The following HPSE2 variants were observed in gnomAD, a reference collection of about 807,000 sequenced individuals.
HPSE2 encodes the protein inactive heparanase-2.
HPSE2 carries 38 observed loss-of-function variants against 60.5 expected under a neutral mutation model. That is an observed-to-expected ratio of 0.63 (90% CI 0.48 to 0.82). The LOEUF (loss-of-function observed/expected upper bound fraction) is 0.82, where lower values mean the gene tolerates loss of function less well. Ranked by LOEUF, HPSE2 falls within the 40% of genes least tolerant of loss-of-function variation. The pLI is 0.00. For missense variants in HPSE2, 713 were observed against 740.4 expected (o/e 0.96, Z 0.43); for synonymous variants, 295 against 293.2 (o/e 1.01, Z -0.06).
intron 3 of HPSE2, among the ~76,000 whole-genome samples, chr10:98,750,427 A>AGAG (rs1423053792): frequency 3.3e-5 from 5 of 152,158 alleles, no homozygotes; most frequent in African/African-American, 1.2e-4. Context: ...GACCCAACTC[A>AGAG]CACTGTGAAA....
intron 9 of HPSE2, among the ~76,000 whole-genome samples, chr10:98,591,280 T>C (rs1225582564): frequency 1.3e-5 from 2 of 152,214 alleles, no homozygotes; most frequent in Admixed American, 6.5e-5. Context: ...ACCACGTAAA[T>C]GGCAGAGCAC....
chr10:98,681,341 A>AT (rs1481346158), intron 6 of HPSE2, among the ~76,000 whole-genome samples: 1 of 152,154 alleles, frequency 6.6e-6, no homozygotes, highest in Non-Finnish European at 1.5e-5. Flanking sequence ...AGTGAATGTG[A>AT]TTTAAAAAAA....
chr10:99,161,241 T>C (rs1447858256), intron 2 of HPSE2, among the ~76,000 whole-genome samples: 5 of 149,504 alleles, frequency 3.3e-5, no homozygotes, highest in Non-Finnish European at 7.4e-5. Flanking sequence ...AAAGGACTTG[T>C]ACATGAATAT....
At chr10:99,202,367 C>T (rs563916714) in intron 2 of HPSE2, among the ~76,000 whole-genome samples, 16 of 152,140 alleles carry the variant, frequency 1.1e-4, no homozygotes, top group Admixed American at 6.5e-4. Context: ...TCTGATCAAC[C>T]ATATATATTC....
At chr10:99,079,888 A>G (rs987913247) in intron 3 of HPSE2, among the ~76,000 whole-genome samples, 10 of 152,088 alleles carry the variant, frequency 6.6e-5, no homozygotes, top group Non-Finnish European at 1.3e-4. Context: ...GTCTTCTCAG[A>G]AGTCCCCAAA....
At chr10:98,552,241 C>A (rs1041644842) in intron 9 of HPSE2, among the ~76,000 whole-genome samples, 3 of 152,130 alleles carry the variant, frequency 2.0e-5, no homozygotes, top group African/African-American at 7.2e-5. Flanking sequence ...GGTGCTGCCA[C>A]TTACTAGATG....
intron 3 of HPSE2, among the ~76,000 whole-genome samples, chr10:98,755,547 C>T (rs1949858315): frequency 6.6e-6 from 1 of 152,176 alleles, no homozygotes; most frequent in Non-Finnish European, 1.5e-5. Flanking sequence ...ACACTCCACC[C>T]AACAACAACG....
chr10:98,840,565 G>C (rs1951887049), intron 3 of HPSE2, among the ~76,000 whole-genome samples: 1 of 152,166 alleles, frequency 6.6e-6, no homozygotes, highest in African/African-American at 2.4e-5. Context: ...GAAAAGCAGA[G>C]ATAGACTCCG....
chr10:98,736,348 C>T (rs139149701), intron 4 of HPSE2, among the ~76,000 whole-genome samples: 1,840 of 152,074 alleles, frequency 0.012, 25 homozygotes, highest in African/African-American at 0.041. Context: ...TACCTAGTCT[C>T]GAGTATGTCT....
intron 3 of HPSE2, among the ~76,000 whole-genome samples, chr10:98,984,391 T>C (rs1457090565): frequency 2.6e-5 from 4 of 152,148 alleles, no homozygotes; most frequent in African/African-American, 9.7e-5. Flanking sequence ...GGATCTGGAG[T>C]GGACCTCCAG....
chr10:99,016,774 TTGTG>T (rs368305392), intron 3 of HPSE2, among the ~76,000 whole-genome samples: 1 of 151,168 alleles, frequency 6.6e-6, no homozygotes, highest in African/African-American at 2.4e-5. Flanking sequence ...CTTAGGTATT[TTGTG>T]TGTGTGTGTG....
At chr10:98,597,192 C>A (rs11189701) in intron 9 of HPSE2, among the ~76,000 whole-genome samples, 58,370 of 152,002 alleles carry the variant, frequency 0.38, 11,386 homozygotes, top group East Asian at 0.51. Flanking sequence ...ACGGGAACTA[C>A]AATTCAAGAT....
intron 6 of HPSE2, among the ~76,000 whole-genome samples, chr10:98,654,135 A>T (rs1946994916): frequency 6.6e-6 from 1 of 151,156 alleles, no homozygotes; most frequent in Non-Finnish European, 1.5e-5. Flanking sequence ...GTTTTTCAAG[A>T]TTTTCTCTTT....
chr10:98,924,610 TCTC>T (rs1954391797), intron 3 of HPSE2: 1 of 152,204 alleles, frequency 6.6e-6, no homozygotes. Context: ...TTAACTTTGA[TCTC>T]CTCTCCTTAA....
intron 9 of HPSE2, among the ~76,000 whole-genome samples, chr10:98,510,726 A>G (rs569065028): frequency 4.0e-4 from 61 of 152,224 alleles, no homozygotes; most frequent in African/African-American, 1.5e-3. Context: ...CTGAGCACAT[A>G]TTCCTAGTGC....
intron 9 of HPSE2, among the ~76,000 whole-genome samples, chr10:98,507,836 T>A (rs1320176580): frequency 1.3e-5 from 2 of 152,102 alleles, no homozygotes; most frequent in African/African-American, 4.8e-5. Flanking sequence ...ATTTTTATAA[T>A]CATAAATAAA....
chr10:99,001,084 T>C (rs1323479706), intron 3 of HPSE2, among the ~76,000 whole-genome samples: 3 of 152,242 alleles, frequency 2.0e-5, no homozygotes, highest in Admixed American at 1.3e-4. Context: ...GTTTATTATC[T>C]GAAATAAACA....
chr10:98,736,934 C>CATGAGAGTATGTTTCTGG (rs1384383204), intron 4 of HPSE2, among the ~76,000 whole-genome samples: 3 of 152,114 alleles, frequency 2.0e-5, no homozygotes, highest in Non-Finnish European at 4.4e-5. Context: ...GACTAAATAC[C>CATGAGAGTATGTTTCTGG]ATGAGAGTAT....
At chr10:98,556,776 T>G (rs1018903463) in intron 9 of HPSE2, among the ~76,000 whole-genome samples, 2 of 152,232 alleles carry the variant, frequency 1.3e-5, no homozygotes, top group African/African-American at 4.8e-5. Flanking sequence ...TGTCAGAATT[T>G]CAGCAGGTTC....
Sources: allele counts gnomAD v4.1 joint callset (sites outside exome capture counted in the v4.1 genomes callset), GRCh38; gene constraint gnomAD v4.1.1; transcripts MANE v1.5; gene names NCBI Gene and HGNC (gene_info 2026-07-23, HGNC 2026-07-21).